Variants in HECW1 observed in about 807,000 individuals in gnomAD.
HECW1 encodes the protein HECT, C2 and WW domain containing E3 ubiquitin protein ligase 1.
In HECW1, 61 loss-of-function variants were observed where a neutral mutation model predicts 182.3. That is an observed-to-expected ratio of 0.33 (90% CI 0.27 to 0.41). The LOEUF (loss-of-function observed/expected upper bound fraction) is 0.41. HECW1 is among the 10% of genes least tolerant of loss of function. HECW1 has a pLI of 1.00. For synonymous variants in HECW1, 859 were observed against 832.6 expected (o/e 1.03, Z -0.55); for missense variants, 1,739 against 2,108.9 (o/e 0.82, Z 3.44).
intron 3 of HECW1, among the ~76,000 whole-genome samples, chr7:43,269,446 G>A (rs1025897585): frequency 2.6e-5 from 4 of 152,144 alleles, no homozygotes; most frequent in Non-Finnish European, 4.4e-5. Flanking sequence ...TCAAATGCAC[G>A]CCCATGGCAT....
Position 43,360,997 on chromosome 7 carries a change from C to A in HECW1, c.555+17C>A. Reference sequence around the variant, plus strand: ...GCAGCTCCTGTAAGTCTCATTTCTCCGTCTTTGGTTAGACCTAACTCTGGT... The same window carrying A: ...GCAGCTCCTGTAAGTCTCATTTCTCAGTCTTTGGTTAGACCTAACTCTGGT... On this transcript the variant is annotated intron_variant, in intron 6 of 29. Transcript: ENST00000395891. 6.3e-7 allele frequency: 1 copy of A among 1,582,074 alleles called. No individual in the cohort carries two copies. The highest frequency in any genetic ancestry group is 8.6e-7 in the Non-Finnish European group (1 of 1,156,928).
chr7:43,415,627 C>G (rs2075967109), intron 8 of HECW1, among the ~76,000 whole-genome samples: 1 of 149,324 alleles, frequency 6.7e-6, no homozygotes, highest in South Asian at 2.1e-4. Context: ...AGAGCGTTTT[C>G]CAACTTGGTT....
intron 2 of HECW1, among the ~76,000 whole-genome samples, chr7:43,210,435 G>A (rs993160996): frequency 1.4e-5 from 2 of 142,882 alleles, no homozygotes; most frequent in African/African-American, 5.2e-5. Context: ...ACTCAAGAAG[G>A]ATCAAGTAGA....
At chr7:43,128,235 T>C (rs888790927) in intron 2 of HECW1, among the ~76,000 whole-genome samples, 1 of 152,220 alleles carries the variant, frequency 6.6e-6, no homozygotes, top group African/African-American at 2.4e-5. Context: ...AGTTGCCATG[T>C]AGGATTTTCA....
chr7:43,456,536 G>C, intron 13 of HECW1, 89 bp downstream of exon 13: 1 of 1,284,948 alleles, frequency 7.8e-7, no homozygotes, highest in African/African-American at 1.5e-5. Context: ...TTTCTGCTCA[G>C]ACTGTATGAG....
chr7:43,379,140 G>A (rs987559886), intron 6 of HECW1, among the ~76,000 whole-genome samples: 19 of 152,176 alleles, frequency 1.2e-4, no homozygotes, highest in Admixed American at 2.6e-4. Flanking sequence ...CTCTTTACTT[G>A]CATGCAGGCA....
chr7:43,264,062 A>G (rs1382836634), intron 3 of HECW1, among the ~76,000 whole-genome samples: 2 of 152,358 alleles, frequency 1.3e-5, no homozygotes, highest in Non-Finnish European at 2.9e-5. Flanking sequence ...GCTAATTAAT[A>G]TATCCATCCT....
chr7:43,182,563 A>T (rs1219186672), intron 2 of HECW1, among the ~76,000 whole-genome samples: 2 of 152,172 alleles, frequency 1.3e-5, no homozygotes, highest in African/African-American at 4.8e-5. Context: ...ATAGCTTTGC[A>T]GTATATTTTG....
intron 6 of HECW1, among the ~76,000 whole-genome samples, chr7:43,375,890 CAA>C (rs71011911): frequency 7.8e-5 from 8 of 102,880 alleles, no homozygotes; most frequent in Non-Finnish European, 9.7e-5. Context: ...AGACCCTTCT[CAA>C]AAAAAAAAAA....
At position 43,445,299 on chromosome 7, in the gene HECW1, C is replaced by T. The variant is rs775618305; in HGVS notation, c.2127C>T (p.Asn709=). The change falls in exon 11 of 30, where the codon AAC becomes AAT. Residue 709 remains asparagine (N), a synonymous_variant. Coordinates refer to ENST00000395891, the MANE Select transcript of HECW1 (RefSeq NM_015052.5). ...CGTGCTACAGCCCCTCCTGCTACAA[C>T]GGCAACAGGTTCGCCAGCCACACGC... ...SASCYSPSCY[N]GNRFASHTRF... 1 of 1,613,570 alleles carries T rather than the reference C, an allele frequency of 6.2e-7. No homozygotes were observed. Among genetic ancestry groups the T allele is most frequent in the South Asian group, 1.1e-5 (1 of 91,088 alleles).
At chr7:43,116,303 C>G (rs1221447457) in intron 2 of HECW1, among the ~76,000 whole-genome samples, 1 of 152,178 alleles carries the variant, frequency 6.6e-6, no homozygotes, top group Non-Finnish European at 1.5e-5. Context: ...CTGTCTTGCT[C>G]TGGCCTTAGA....
intron 4 of HECW1, among the ~76,000 whole-genome samples, chr7:43,318,949 A>G (rs914166151): frequency 6.6e-6 from 1 of 152,246 alleles, no homozygotes; most frequent in African/African-American, 2.4e-5. Context: ...CAAGGGCTCC[A>G]TAGAAGATCA....
Position 43,243,849 on chromosome 7 carries a change from G to C in HECW1, c.-31-26G>C. The C allele has an allele frequency of 6.3e-7, 1 of 1,588,110 alleles. No homozygotes were observed. The highest frequency in any genetic ancestry group is 8.6e-7 in the Non-Finnish European group (1 of 1,156,384). ...TTTGTTTGCTTGGGATACACGCTAA[G>C]TTAACCTCGTTGGACTTTTCCCCAG... On this transcript the variant is annotated intron_variant, in intron 2 of 29. Transcript: ENST00000395891. The surrounding 1 kb of genome is among the most constrained non-coding windows in gnomAD (Gnocchi z 4.0).
intron 2 of HECW1, among the ~76,000 whole-genome samples, chr7:43,235,454 T>C (rs1354586920): frequency 6.6e-6 from 1 of 152,190 alleles, no homozygotes; most frequent in Non-Finnish European, 1.5e-5. Context: ...GAGGCATCCT[T>C]GGCCCAAGCC....
At chr7:43,462,032 A>G (rs1421882311) in intron 13 of HECW1, among the ~76,000 whole-genome samples, 1 of 152,222 alleles carries the variant, frequency 6.6e-6, no homozygotes, top group Non-Finnish European at 1.5e-5. Flanking sequence ...CTACAGTAAA[A>G]AAAGCTTTCC....
At chr7:43,129,065 A>T (rs1786612374) in intron 2 of HECW1, among the ~76,000 whole-genome samples, 1 of 152,232 alleles carries the variant, frequency 6.6e-6, no homozygotes, top group African/African-American at 2.4e-5. Context: ...TACTGTGAAC[A>T]TTGTTGAAAT....
At chr7:43,303,354 GC>G (rs1367227339) in intron 3 of HECW1, among the ~76,000 whole-genome samples, 1 of 140,324 alleles carries the variant, frequency 7.1e-6, no homozygotes, top group Non-Finnish European at 1.5e-5. Context: ...CCCAACACCT[GC>G]CATCAAAGGG....
chr7:43,379,953 A>C (rs1349124926), intron 6 of HECW1, among the ~76,000 whole-genome samples: 1 of 152,206 alleles, frequency 6.6e-6, no homozygotes, highest in Non-Finnish European at 1.5e-5. Context: ...CACCCACCAG[A>C]GCAGTACCTG....
intron 3 of HECW1, among the ~76,000 whole-genome samples, chr7:43,285,982 A>C (rs1401122153): frequency 1.3e-5 from 2 of 152,264 alleles, no homozygotes; most frequent in Non-Finnish European, 2.9e-5. Context: ...AGAACTAGTT[A>C]GGGACGTCTT....
Sources: allele counts gnomAD v4.1 joint callset (sites outside exome capture counted in the v4.1 genomes callset), GRCh38; gene constraint gnomAD v4.1.1; non-coding constraint Gnocchi (gnomAD v3.1); transcripts MANE v1.5; gene names NCBI Gene and HGNC (gene_info 2026-07-23, HGNC 2026-07-21).